Variants in IL3RA observed in about 807,000 individuals in gnomAD.
IL3RA encodes the protein interleukin-3 receptor subunit alpha.
In IL3RA, 73 loss-of-function variants were observed where a neutral mutation model predicts 52.3. The ratio of observed to expected loss-of-function variants is 1.40; its 90% CI spans 1.16 to 1.70. The LOEUF is 1.70. Among genes scored for constraint, IL3RA ranks in the 40% most tolerant of loss-of-function variants. The pLI, the probability that IL3RA is intolerant of heterozygous loss-of-function variation, is 0.00. For synonymous variants in IL3RA, 260 were observed against 194.0 expected (o/e 1.34, Z -2.83); for missense variants, 664 against 504.4 (o/e 1.32, Z -3.03).
rs1457000810 is a variant in IL3RA, at chrX:1,367,595, G to A, written c.874+2343G>A. On this transcript the variant is annotated intron_variant, in intron 9 of 11. Transcript: ENST00000331035. ...TGCGCGGGGTGAGCGGGGTGAGCCG[G>A]GTGCGCGGGGTGAGCGGGGTGCGCG... is the stretch of plus-strand genomic sequence containing the variant. Among the ~76,000 whole-genome samples the A allele has an allele frequency of 6.8e-5, 7 of 102,442 alleles. No individual in the cohort carries two copies. The East Asian group carries it at 2.3e-3, about 34-fold the overall frequency. The allele number at this position is 102,442 out of a possible 152,430, so 67.2% of individuals were successfully genotyped here.
intron 6 of IL3RA, among the ~76,000 whole-genome samples, chrX:1,354,404 C>A (rs1281313766): frequency 6.6e-6 from 1 of 150,628 alleles, no homozygotes; most frequent in East Asian, 2.0e-4. Context: ...GGGCAGGGTG[C>A]TCGGATGCTT....
rs1269415303 is a variant in IL3RA, at chrX:1,381,011, C to T, written c.981-12C>T. ...TTGGGTTCAGAGCTGGGCCATTTCTCTTTCCTCCGAGGTATCTGGTGATGC... is the reference window on the plus strand; with the variant it reads ...TTGGGTTCAGAGCTGGGCCATTTCTTTTTCCTCCGAGGTATCTGGTGATGC... On this transcript the variant is annotated splice_polypyrimidine_tract_variant and intron_variant, in intron 10 of 11. Coordinates refer to ENST00000331035, the MANE Select transcript of IL3RA (RefSeq NM_002183.4). 1 of 1,613,262 alleles carries T rather than the reference C, an allele frequency of 6.2e-7. No homozygotes were observed. Among genetic ancestry groups the T allele is most frequent in the Non-Finnish European group, 8.5e-7 (1 of 1,179,246 alleles).
In IL3RA at chrX:1,381,066, A is replaced by G. The variant is rs1184557736; in HGVS notation, c.1024A>G (p.Lys342Glu). The change falls in exon 11 of 12, where the codon AAA becomes GAA. Residue 342 changes from lysine to glutamate, a missense_variant. Coordinates refer to ENST00000331035, the MANE Select transcript of IL3RA (RefSeq NM_002183.4). The part of the protein sequence containing the change: ...QRLFPRIPHM[K>E]DPIGDSFQND... ...ACTCTTTCCCCGCATCCCTCACATG[A>G]AAGACCCCATCGGTGACAGCTTCCA... The G allele has an allele frequency of 6.2e-7, 1 of 1,613,794 alleles. No individual in the cohort carries two copies. Among genetic ancestry groups the G allele is most frequent in the East Asian group, 2.2e-5 (1 of 44,858 alleles).
chrX:1,378,593 A>G, intron 9 of IL3RA, 66 bp from the exon 10 acceptor site: 2 of 1,380,224 alleles, frequency 1.4e-6, no homozygotes, highest in Non-Finnish European at 2.0e-6. Flanking sequence ...CCCCGGGGAG[A>G]GCTTACAGTC....
intron 1 of IL3RA, among the ~76,000 whole-genome samples, chrX:1,338,973 T>C (rs1166573668): frequency 6.6e-6 from 1 of 152,014 alleles, no homozygotes; most frequent in Admixed American, 6.6e-5. Flanking sequence ...CTAATTTTTG[T>C]ATGTTTAGTA....
chrX:1,376,668 G>C, intron 9 of IL3RA, among the ~76,000 whole-genome samples: 1 of 148,522 alleles, frequency 6.7e-6, no homozygotes, highest in African/African-American at 2.5e-5. Flanking sequence ...CCAAGCCCAG[G>C]AGAGAGGCCT....
At chrX:1,347,926 A>C (rs1224864970) in intron 3 of IL3RA, among the ~76,000 whole-genome samples, 2 of 147,740 alleles carry the variant, frequency 1.4e-5, no homozygotes, top group Non-Finnish European at 3.0e-5. Context: ...AGTCCCAGCT[A>C]CTTGGGAGGA....
chrX:1,377,753 C>A (rs1331810404), intron 9 of IL3RA, among the ~76,000 whole-genome samples: 2 of 149,648 alleles, frequency 1.3e-5, no homozygotes, highest in African/African-American at 4.9e-5. Flanking sequence ...GTAGCCTCGA[C>A]CTCCTGGGCT....
chrX:1,377,492 C>G lies in IL3RA; in HGVS notation c.875-1167C>G, dbSNP rs1339179807. 5.3e-5 allele frequency among the ~76,000 whole-genome samples: 8 copies of G among 152,214 alleles called. No individual in the cohort carries two copies. The East Asian group carries it at 1.2e-3, about 22-fold the overall frequency. ...TCCCGACCTCAGGTGATCCGCCCGC[C>G]TTGGCCTCCCAAAGCGCTGGGATTA... On this transcript the variant is annotated intron_variant, in intron 9 of 11. Coordinates refer to ENST00000331035, the MANE Select transcript of IL3RA (RefSeq NM_002183.4).
chrX:1,342,566 T>C, intron 2 of IL3RA, among the ~76,000 whole-genome samples: 1 of 149,128 alleles, frequency 6.7e-6, no homozygotes. Flanking sequence ...CTTCTTTTTT[T>C]TTTTTTTTTT....
At chrX:1,342,947 C>T (rs1407913186) in intron 2 of IL3RA, among the ~76,000 whole-genome samples, 25 of 151,798 alleles carry the variant, frequency 1.6e-4, no homozygotes, top group East Asian at 1.6e-3. Context: ...TGGTGGCGGG[C>T]GCCTGTAATC....
chrX:1,378,524 C>A (rs1185047183), intron 9 of IL3RA, 135 bp from the exon 10 acceptor site: 10 of 720,032 alleles, frequency 1.4e-5, no homozygotes, highest in African/African-American at 3.5e-5. Flanking sequence ...GGTGGCACTA[C>A]TGGGGTGTCC....
intron 10 of IL3RA, among the ~76,000 whole-genome samples, chrX:1,379,157 T>A (rs2089003309): frequency 6.8e-6 from 1 of 146,430 alleles, no homozygotes; most frequent in Non-Finnish European, 1.5e-5. Context: ...TTATTATTAT[T>A]GTTATGATTA....
rs201786762 is a variant in IL3RA at position 1,348,494 on chromosome X, G to A, written c.247G>A (p.Val83Ile). Residue 83 changes from valine to isoleucine, a missense_variant, in exon 4 of 12, where the codon GTC becomes ATC. Coordinates refer to ENST00000331035, the MANE Select transcript of IL3RA (RefSeq NM_002183.4). The stretch of plus-strand genomic sequence containing the variant: ...CTTATGTGAAGTGACCAACTACACC[G>A]TCCGAGTGGCCAACCCACCATTCTC... ...ISLCEVTNYT[V>I]RVANPPFSTW... 372 of 1,613,754 alleles carry A rather than the reference G, an allele frequency of 2.3e-4. No homozygotes were observed. The highest frequency in any genetic ancestry group is 4.9e-4 in the Middle Eastern group (3 of 6,078).
chrX:1,362,064 C>T (rs1199408320), intron 8 of IL3RA, among the ~76,000 whole-genome samples: 1 of 151,134 alleles, frequency 6.6e-6, no homozygotes, highest in East Asian at 1.9e-4. Context: ...GTCTCTCTCT[C>T]TCTGTCTCCG....
At chrX:1,356,387 T>A in intron 7 of IL3RA, 51 bp downstream of exon 7, 12 of 1,186,998 alleles carry the variant, frequency 1.0e-5, no homozygotes, top group Non-Finnish European at 1.2e-5. Context: ...ACATCCCTTA[T>A]TTTTGGTAAG....
At position 1,356,254 on chromosome X, in the gene IL3RA, G is replaced by T; in HGVS notation, c.650G>T (p.Cys217Phe). Residue 217 changes from cysteine to phenylalanine, a missense_variant, in exon 7 of 12, where the codon TGT (cysteine) becomes TTT (phenylalanine). Physicochemically the swap from Cys to Phe is radical, Grantham distance 205. Coordinates refer to ENST00000331035, the MANE Select transcript of IL3RA (RefSeq NM_002183.4). The stretch of plus-strand genomic sequence containing the variant: ...ACTCCACCCAACATGACTGCAAAGT[G>T]TAATAAGACACATTCCTTTATGCAC... ...ILTPPNMTAK[C>F]NKTHSFMHWK... 2 of 1,613,492 alleles carry T rather than the reference G, an allele frequency of 1.2e-6. No individual in the cohort carries two copies. The highest frequency in any genetic ancestry group is 1.7e-6 in the Non-Finnish European group (2 of 1,179,524).
intron 5 of IL3RA, 25 bp from the exon 6 acceptor site, chrX:1,352,297 C>T (rs760477658): frequency 5.0e-6 from 8 of 1,613,274 alleles, no homozygotes; most frequent in South Asian, 2.2e-5. Context: ...GTGGGGTCGT[C>T]CCCCAACCTT....
At chrX:1,339,182 C>T (rs1378828038) in intron 1 of IL3RA, among the ~76,000 whole-genome samples, 3 of 152,052 alleles carry the variant, frequency 2.0e-5, no homozygotes, top group African/African-American at 7.2e-5. Flanking sequence ...ACAGATTTCC[C>T]AACGTTCTGA....
Sources: allele counts gnomAD v4.1 joint callset (sites outside exome capture counted in the v4.1 genomes callset), GRCh38; gene constraint gnomAD v4.1.1; transcripts MANE v1.5; gene names NCBI Gene and HGNC (gene_info 2026-07-23, HGNC 2026-07-21).